Variants in A2ML1 observed in about 807,000 individuals in gnomAD.
The protein encoded by A2ML1 is alpha-2-macroglobulin-like protein 1.
A2ML1 carries 161 observed loss-of-function variants against 181.9 expected under a neutral mutation model. The observed-to-expected ratio is 0.89, with a 90% CI of 0.78 to 1.01. A2ML1 has a LOEUF of 1.01. Among genes scored for constraint, A2ML1 ranks in the 50% least tolerant of loss-of-function variants. The probability of loss-of-function intolerance (pLI) is 0.00; values close to 1 mark genes in which losing one functional copy is unlikely to be tolerated. For synonymous variants in A2ML1, 663 were observed against 666.8 expected (o/e 0.99, Z 0.09); for missense variants, 1,670 against 1,768.1 (o/e 0.94, Z 1.00).
intron 26 of A2ML1, 166 bp downstream of exon 26, chr12:8,858,268 T>G: frequency 1.3e-6 from 1 of 765,572 alleles, no homozygotes; most frequent in Non-Finnish European, 2.0e-6. Flanking sequence ...TGGGCCTCAG[T>G]TTTCATGTCT....
chr12:8,830,212 T>C (rs927487373), intron 4 of A2ML1, among the ~76,000 whole-genome samples: 9 of 151,954 alleles, frequency 5.9e-5, no homozygotes, highest in African/African-American at 2.2e-4. Flanking sequence ...CCATCACGCC[T>C]GGCTAATTTT....
At chr12:8,850,317 G>A (rs1410691082) in intron 18 of A2ML1, 43 bp downstream of exon 18, 5 of 1,485,776 alleles carry the variant, frequency 3.4e-6, no homozygotes, top group Non-Finnish European at 4.6e-6. Context: ...CAGGTGCATG[G>A]CTCACGCCTG....
intron 4 of A2ML1, among the ~76,000 whole-genome samples, chr12:8,830,330 A>G (rs1051159540): frequency 1.3e-5 from 2 of 152,080 alleles, no homozygotes; most frequent in Non-Finnish European, 2.9e-5. Context: ...GGGATTACAG[A>G]CAAGAGCCAC....
intron 6 of A2ML1, 144 bp downstream of exon 6, chr12:8,835,810 G>A (rs935543543): frequency 3.4e-5 from 32 of 948,620 alleles, no homozygotes; most frequent in Admixed American, 8.5e-5. Context: ...TCAGGAGATC[G>A]AGACCACCCT....
chr12:8,886,159 A>G (rs1944920196), intron 7 of A2ML1, among the ~76,000 whole-genome samples: 2 of 152,196 alleles, frequency 1.3e-5, no homozygotes, highest in Admixed American at 1.3e-4. Flanking sequence ...ATAAATTTAA[A>G]TCAGTTTGTT....
chr12:8,846,280 G>C, intron 14 of A2ML1, 58 bp downstream of exon 14: 1 of 1,596,932 alleles, frequency 6.3e-7, no homozygotes. Flanking sequence ...AAGATCTTGT[G>C]TGTGCTGCGG....
Position 8,857,810 on chromosome 12 carries a change from C to T in A2ML1, c.3108-136C>T, listed in dbSNP as rs1944121288. On this transcript the variant is annotated intron_variant, in intron 25 of 35. Coordinates refer to ENST00000299698, the MANE Select transcript of A2ML1 (RefSeq NM_144670.6). ...TCCTCATTGGTGCCCATTAATGCCT[C>T]TCTTTTCTAGGCCTGCTATGGCATA... 1.5e-6 allele frequency: 2 copies of T among 1,323,770 alleles called. 1 individual carries two copies. Among genetic ancestry groups the T allele is most frequent in the Admixed American group, 4.1e-5 (2 of 48,344 alleles). 82.0% of individuals were successfully genotyped at this position (1,323,770 alleles called of 1,614,324 possible). A position where few individuals can be genotyped will look rare whatever the true frequency, so the allele number is the denominator to read the frequency against.
intron 26 of A2ML1, among the ~76,000 whole-genome samples, chr12:8,859,487 A>G (rs764456961): frequency 2.6e-5 from 4 of 152,054 alleles, no homozygotes; most frequent in Non-Finnish European, 5.9e-5. Context: ...GGAATTAGAG[A>G]CCAGTCTGAA....
At chr12:8,853,122 G>T (rs911886410) in intron 20 of A2ML1, among the ~76,000 whole-genome samples, 3 of 152,116 alleles carry the variant, frequency 2.0e-5, no homozygotes, top group Admixed American at 6.5e-5. Flanking sequence ...GGCCTCCGGA[G>T]TAGCTGGGAC....
chr12:8,860,808 T>G (rs1257308937), intron 26 of A2ML1, 73 bp from the exon 27 acceptor site: 1 of 1,301,778 alleles, frequency 7.7e-7, no homozygotes. Flanking sequence ...GGGGAGGCTG[T>G]TTTGCAATCT....
chr12:8,839,339 T>A (rs967979819), intron 10 of A2ML1, 117 bp downstream of exon 10: 1 of 619,564 alleles, frequency 1.6e-6, no homozygotes, highest in African/African-American at 1.9e-5. Flanking sequence ...TTTATGTGTA[T>A]TCATTTTAAT....
intron 3 of A2ML1, among the ~76,000 whole-genome samples, chr12:8,828,063 A>T (rs753853117): frequency 1.5e-3 from 231 of 152,256 alleles, no homozygotes; most frequent in African/African-American, 5.2e-3. Flanking sequence ...TGAAGCCAGC[A>T]CCGTACTGTG....
chr12:8,839,257 ATG>A, intron 10 of A2ML1, 35 bp downstream of exon 10: 1 of 1,498,602 alleles, frequency 6.7e-7, no homozygotes, highest in Middle Eastern at 1.7e-4. Context: ...AGACAAAAAA[ATG>A]CATAACCATC....
intron 4 of A2ML1, among the ~76,000 whole-genome samples, chr12:8,832,430 G>A (rs1180778456): frequency 1.3e-5 from 2 of 152,180 alleles, no homozygotes; most frequent in Non-Finnish European, 2.9e-5. Flanking sequence ...CAAGAAGGGG[G>A]TCTTTTTGGG....
At chr12:8,856,957 G>A (rs1944085806) in intron 23 of A2ML1, among the ~76,000 whole-genome samples, 1 of 145,758 alleles carries the variant, frequency 6.9e-6, no homozygotes, top group South Asian at 2.2e-4. Flanking sequence ...TGTTGGTCAG[G>A]CTGGTCTCGA....
At position 8,851,766 on chromosome 12, in the gene A2ML1, G is replaced by A. The variant is rs763070630; in HGVS notation, c.2235-18G>A. 1.7e-5 allele frequency: 27 copies of A among 1,612,912 alleles called. No homozygotes were observed. The highest frequency in any genetic ancestry group is 2.1e-5 in the Non-Finnish European group (25 of 1,179,552). ...CCCACGCTACCTCTGCCTCATGTTG[G>A]TCCTTGTGTTTTCACAGTAACTCGG... On this transcript the variant is annotated intron_variant, in intron 18 of 35. Coordinates refer to ENST00000299698, the MANE Select transcript of A2ML1 (RefSeq NM_144670.6).
chr12:8,837,603 CA>C, intron 8 of A2ML1, 37 bp downstream of exon 8: 1 of 1,591,662 alleles, frequency 6.3e-7, no homozygotes, highest in Admixed American at 1.7e-5. Flanking sequence ...ACCTATCGGC[CA>C]GGCACGGTGG....
intron 29 of A2ML1, among the ~76,000 whole-genome samples, chr12:8,865,889 A>G (rs10771136): frequency 0.95 from 144,855 of 152,304 alleles, 69,311 homozygotes; most frequent in East Asian, 1. Flanking sequence ...CTAAGAAAAT[A>G]TATTTCTTGT....
In A2ML1 at chr12:8,854,209, AGGGCCG is replaced by A; in HGVS notation, c.2673_2678del (p.Gly892_Arg893del). 1 of 1,608,588 alleles carries A rather than the reference AGGGCCG, an allele frequency of 6.2e-7. No homozygotes were observed. Among genetic ancestry groups the A allele is most frequent in the South Asian group, 1.1e-5 (1 of 89,428 alleles). Reference sequence around the variant, plus strand: ...GGCCAGAAGGGGTTTGTTCCCCAAAAGGGCCGAAGTGACACGCTCATCAAGCCAGTT... The same window carrying A: ...GGCCAGAAGGGGTTTGTTCCCCAAAAAAGTGACACGCTCATCAAGCCAGTT... On this transcript the variant is annotated inframe_deletion, in exon 21 of 36. Coordinates refer to ENST00000299698, the MANE Select transcript of A2ML1 (RefSeq NM_144670.6).
Sources: gnomAD v4.1 joint callset for allele counts (sites outside exome capture counted in the v4.1 genomes callset) on GRCh38, gnomAD v4.1.1 for gene constraint, MANE v1.5 for transcripts, NCBI Gene and HGNC (gene_info 2026-07-23, HGNC 2026-07-21) for gene names.